GKAP1: variants seen among roughly 807,000 people sequenced by gnomAD.
The protein encoded by GKAP1 is G kinase-anchoring protein 1.
In GKAP1, 31 loss-of-function variants were observed where a neutral mutation model predicts 56.7. That is an observed-to-expected ratio of 0.55 (90% CI 0.41 to 0.74). The LOEUF is 0.74. Among genes scored for constraint, GKAP1 ranks in the 30% least tolerant of loss-of-function variants. The pLI is 0.00. For missense variants in GKAP1, 364 were observed against 402.3 expected (o/e 0.90, Z 0.82); for synonymous variants, 151 against 138.6 (o/e 1.09, Z -0.63).
At chr9:83,787,677 A>T (rs1944088224) in intron 5 of GKAP1, among the ~76,000 whole-genome samples, 1 of 152,240 alleles carries the variant, frequency 6.6e-6, no homozygotes. Flanking sequence ...AATGTTACGG[A>T]ATAAAATGTT....
intron 9 of GKAP1, 115 bp from the exon 10 acceptor site, chr9:83,748,487 T>C (rs1210052007): frequency 5.2e-6 from 3 of 582,120 alleles, no homozygotes; most frequent in Admixed American, 3.2e-5. Flanking sequence ...ATAATTACTT[T>C]AGAAACAAAC....
intron 7 of GKAP1, among the ~76,000 whole-genome samples, chr9:83,779,466 CACATAT>C (rs1943920438): frequency 3.9e-5 from 3 of 77,888 alleles, no homozygotes; most frequent in African/African-American, 1.2e-4. Flanking sequence ...CACACACACG[CACATAT>C]ACATATACAT....
rs918022796 is a variant in GKAP1 at position 83,817,518 on chromosome 9, G to T, written c.-177C>A. ...GCGGGCCCGCCTCCGCGTACTCACC[G>T]GGCCTCCCGTGCCGCCGGCTCGGCC... On this transcript the variant is annotated splice_region_variant and 5_prime_UTR_variant, in exon 1 of 13. Transcript: ENST00000376371. The T allele has an allele frequency of 4.6e-5, 7 of 151,494 alleles. No homozygotes were observed. The highest frequency in any genetic ancestry group is 1.7e-4 in the African/African-American group (7 of 41,428). The allele number at this position is 151,494 out of a possible 1,614,324, so 9.4% of individuals were successfully genotyped here.
chr9:83,803,659 T>G, intron 3 of GKAP1, among the ~76,000 whole-genome samples: 1 of 152,164 alleles, frequency 6.6e-6, no homozygotes, highest in Non-Finnish European at 1.5e-5. Context: ...GATTGCAGCC[T>G]CTGCCCGGCC....
chr9:83,806,135 T>C (rs1587741709), intron 3 of GKAP1, among the ~76,000 whole-genome samples, 167 bp downstream of exon 3: 1 of 151,812 alleles, frequency 6.6e-6, no homozygotes. Flanking sequence ...AAAAAGATCA[T>C]TACATTTGAT....
chr9:83,758,918 A>G (rs1408208664), intron 8 of GKAP1, among the ~76,000 whole-genome samples: 1 of 152,148 alleles, frequency 6.6e-6, no homozygotes, highest in Admixed American at 6.5e-5. Flanking sequence ...AAGTATATAC[A>G]GAAAGAGAAG....
At chr9:83,780,756 G>A (rs10868061) in intron 6 of GKAP1, among the ~76,000 whole-genome samples, 83,083 of 151,788 alleles carry the variant, frequency 0.55, 23,645 homozygotes, top group Admixed American at 0.69. Context: ...GGGGACACAA[G>A]TATGTCCAAA....
At chr9:83,800,936 G>A (rs1436586663) in intron 3 of GKAP1, among the ~76,000 whole-genome samples, 23 of 152,094 alleles carry the variant, frequency 1.5e-4, no homozygotes, top group Admixed American at 6.5e-5. Context: ...ATTGTGAATC[G>A]GTCTTTGCAC....
intron 5 of GKAP1, among the ~76,000 whole-genome samples, chr9:83,787,468 C>T (rs928851596): frequency 6.6e-6 from 1 of 152,158 alleles, no homozygotes; most frequent in African/African-American, 2.4e-5. Flanking sequence ...AAACTCCTGG[C>T]CTCAAGCAAT....
At chr9:83,775,336 C>T (rs1444042247) in intron 7 of GKAP1, among the ~76,000 whole-genome samples, 2 of 152,116 alleles carry the variant, frequency 1.3e-5, no homozygotes, top group Admixed American at 1.3e-4. Context: ...TCCCTGTCAT[C>T]GCCCTAGATA....
chr9:83,766,404 A>G (rs200961744), intron 8 of GKAP1, among the ~76,000 whole-genome samples: 2 of 16,108 alleles, frequency 1.2e-4, no homozygotes, highest in Non-Finnish European at 4.2e-4. Flanking sequence ...ACAGGAAAAC[A>G]ATTAAATTTA....
At chr9:83,768,777 A>C in intron 8 of GKAP1, 41 bp downstream of exon 8, 1 of 1,555,212 alleles carries the variant, frequency 6.4e-7, no homozygotes, top group Non-Finnish European at 8.8e-7. Context: ...ATTACATTTC[A>C]ATTTCACTGT....
At position 83,785,980 on chromosome 9, in the gene GKAP1, A is replaced by G. The variant is rs550699356; in HGVS notation, c.439-1142T>C. 4.6e-5 allele frequency among the ~76,000 whole-genome samples: 7 copies of G among 152,294 alleles called. No individual in the cohort carries two copies. In the South Asian group the frequency reaches 1.4e-3, roughly 32 times the overall value. On this transcript the variant is annotated intron_variant, in intron 5 of 12. Coordinates refer to ENST00000376371, the MANE Select transcript of GKAP1 (RefSeq NM_025211.4). ...ATTCTTTCACATGTACACATCTTAT[A>G]TACTTGCCACTCCTTCCTTCAGAAT...
chr9:83,774,066 C>T (rs996075862), intron 7 of GKAP1, among the ~76,000 whole-genome samples: 1 of 151,914 alleles, frequency 6.6e-6, no homozygotes, highest in African/African-American at 2.4e-5. Context: ...GACGGGGTTT[C>T]ACCACATTGG....
At chr9:83,794,940 G>A (rs1944219502) in intron 4 of GKAP1, among the ~76,000 whole-genome samples, 1 of 152,012 alleles carries the variant, frequency 6.6e-6, no homozygotes, top group Non-Finnish European at 1.5e-5. Context: ...AGGATCATCT[G>A]AGGTCAGGAG....
chr9:83,775,628 C>T (rs1178159984), intron 7 of GKAP1, among the ~76,000 whole-genome samples: 1 of 151,762 alleles, frequency 6.6e-6, no homozygotes, highest in Non-Finnish European at 1.5e-5. Context: ...GAAATCCCAA[C>T]ACTATGGGAG....
chr9:83,790,142 GA>G (rs1944130413), intron 4 of GKAP1, among the ~76,000 whole-genome samples: 2 of 151,700 alleles, frequency 1.3e-5, no homozygotes, highest in South Asian at 2.1e-4. Flanking sequence ...AAAAAGAGAG[GA>G]AAAAAAGATT....
At chr9:83,746,249 T>C (rs1340249834) in intron 10 of GKAP1, among the ~76,000 whole-genome samples, 1 of 152,240 alleles carries the variant, frequency 6.6e-6, no homozygotes, top group African/African-American at 2.4e-5. Flanking sequence ...GTTTAAATTT[T>C]GTTTGGACAG....
intron 10 of GKAP1, among the ~76,000 whole-genome samples, chr9:83,745,045 G>A (rs1409094491): frequency 1.3e-5 from 2 of 152,128 alleles, no homozygotes; most frequent in Non-Finnish European, 1.5e-5. Flanking sequence ...GAGACACAGA[G>A]CCAAACCATA....
Sources: allele counts gnomAD v4.1 joint callset (sites outside exome capture counted in the v4.1 genomes callset), GRCh38; gene constraint gnomAD v4.1.1; transcripts MANE v1.5; gene names NCBI Gene and HGNC (gene_info 2026-07-23, HGNC 2026-07-21).